ZBTB38: variants seen among roughly 807,000 people sequenced by gnomAD.
ZBTB38 encodes the protein zinc finger and BTB domain containing 38.
A neutral mutation model predicts 76.8 loss-of-function variants in ZBTB38; 20 were observed. The observed-to-expected ratio is 0.26, with a 90% confidence interval of 0.18 to 0.38. The LOEUF is 0.38. ZBTB38 is among the 10% of genes least tolerant of loss of function. The pLI is 1.00. For synonymous variants in ZBTB38, 504 were observed against 544.2 expected, an observed-to-expected ratio of 0.93 and a Z score of 1.03; for missense variants, 1,082 against 1,482.3, an observed-to-expected ratio of 0.73 and a Z score of 4.43.
At chr3:141,324,573 T>G (rs747081576) in intron 1 of ZBTB38, 1 of 152,220 alleles carries the variant, frequency 6.6e-6, no homozygotes, top group Non-Finnish European at 1.5e-5. Context: ...GGAAAGATTT[T>G]AAATCAATAG....
intron 1 of ZBTB38, among the ~76,000 whole-genome samples, chr3:141,331,422 A>G (rs1942848035): frequency 6.6e-6 from 1 of 152,212 alleles, no homozygotes; most frequent in Non-Finnish European, 1.5e-5. Flanking sequence ...AATTGTGTCC[A>G]GTGAGGGAAT....
chr3:141,365,719 T>C (rs2148970257), upstream of ZBTB38, among the ~76,000 whole-genome samples: 2 of 152,248 alleles, frequency 1.3e-5, no homozygotes, highest in East Asian at 3.9e-4. Context: ...CATCTAGGGC[T>C]GGTAGGTGGG....
intron 3 of ZBTB38, among the ~76,000 whole-genome samples, chr3:141,382,885 G>A (rs565225884): frequency 6.6e-6 from 1 of 152,306 alleles, no homozygotes; most frequent in Admixed American, 6.5e-5. Context: ...CATCAGGGAT[G>A]GAGTGTGGAC....
At chr3:141,409,018 A>C (rs1035197901) in intron 5 of ZBTB38, among the ~76,000 whole-genome samples, 1 of 152,154 alleles carries the variant, frequency 6.6e-6, no homozygotes, top group Non-Finnish European at 1.5e-5. Context: ...ACTACAGCCA[A>C]GATTGTAGAG....
intron 5 of ZBTB38, chr3:141,434,122 A>C (rs2150629143): frequency 1.2e-6 from 1 of 866,494 alleles, no homozygotes; most frequent in Admixed American, 6.2e-5. Flanking sequence ...GGAAGATATA[A>C]ATGTGAACAA....
intron 1 of ZBTB38, among the ~76,000 whole-genome samples, chr3:141,359,123 C>T (rs375480545): frequency 6.6e-6 from 1 of 152,312 alleles, no homozygotes; most frequent in African/African-American, 2.4e-5. Context: ...AGGTGGTTCT[C>T]GAGTTGGCCC....
At chr3:141,384,807 A>T (rs925751443) in intron 3 of ZBTB38, 3 of 152,244 alleles carry the variant, frequency 2.0e-5, no homozygotes, top group African/African-American at 7.2e-5. Flanking sequence ...TTAGAGCCAC[A>T]TTTATTTCTG....
chr3:141,403,954 C>T lies in ZBTB38; in HGVS notation c.-78C>T, dbSNP rs1953332107. Reference sequence around the variant, plus strand: ...CTTGATGTGGAAGAAATGGAGGACTCAGAACCAAGGATTTCCAAGTGATTT... The same window carrying T: ...CTTGATGTGGAAGAAATGGAGGACTTAGAACCAAGGATTTCCAAGTGATTT... On this transcript the variant is annotated 5_prime_UTR_variant, in exon 5 of 6. The change creates a premature stop within an existing upstream ORF in the 5' untranslated region. Coordinates refer to ENST00000321464, the MANE Select transcript of ZBTB38 (RefSeq NM_001376113.1). The T allele has an allele frequency of 6.6e-6, 1 of 152,138 alleles. No individual in the cohort carries two copies. Among genetic ancestry groups the T allele is most frequent in the Non-Finnish European group, 1.5e-5 (1 of 68,016 alleles). 9.4% of individuals were successfully genotyped at this position (152,138 alleles called of 1,614,324 possible). A position where few individuals can be genotyped will look rare whatever the true frequency, so the allele number is the denominator to read the frequency against.
chr3:141,366,076 T>G (rs1943955918), upstream of ZBTB38, among the ~76,000 whole-genome samples: 1 of 152,214 alleles, frequency 6.6e-6, no homozygotes, highest in African/African-American at 2.4e-5. Context: ...GAAGTGCCAT[T>G]GTACTTACTT....
At chr3:141,337,610 G>A (rs1322655229) in intron 1 of ZBTB38, among the ~76,000 whole-genome samples, 3 of 152,178 alleles carry the variant, frequency 2.0e-5, no homozygotes, top group African/African-American at 7.2e-5. Context: ...TTAGCTTCTG[G>A]CATGGCATTT....
At chr3:141,371,398 G>A (rs1010881739) in intron 2 of ZBTB38, among the ~76,000 whole-genome samples, 36 of 150,646 alleles carry the variant, frequency 2.4e-4, no homozygotes, top group South Asian at 6.3e-4. Context: ...TGTCACCCAG[G>A]CTGGAGTGCA....
intron 3 of ZBTB38, chr3:141,385,934 A>T (rs535606116): frequency 2.0e-5 from 3 of 152,158 alleles, no homozygotes; most frequent in Non-Finnish European, 4.4e-5. Flanking sequence ...CATAAAACGG[A>T]TATCAACCCA....
chr3:141,448,513 AAAGT>A lies in ZBTB38; in HGVS notation c.*2542_*2545del, dbSNP rs1228660112. On this transcript the variant is annotated 3_prime_UTR_variant, in exon 6 of 6. Transcript: ENST00000321464. Reference sequence around the variant, plus strand: ...ATTGAGTACATGACCAACTAGAATTAAAGTAAGTGTAAACAGTGAACATACTGTA... The same window carrying A: ...ATTGAGTACATGACCAACTAGAATTAAAGTGTAAACAGTGAACATACTGTA... 3.9e-5 allele frequency: 6 copies of A among 152,634 alleles called. No homozygotes were observed. Among genetic ancestry groups the A allele is most frequent in the Admixed American group, 3.9e-4 (6 of 15,278 alleles). The allele number at this position is 152,634 out of a possible 1,614,324, so 9.5% of individuals were successfully genotyped here.
chr3:141,385,109 G>T (rs1183687546), intron 3 of ZBTB38, among the ~76,000 whole-genome samples: 1 of 152,116 alleles, frequency 6.6e-6, no homozygotes, highest in Non-Finnish European at 1.5e-5. Flanking sequence ...TTGCTAACCT[G>T]ATTATTTTCA....
chr3:141,441,545 C>T lies in ZBTB38; in HGVS notation c.1-844C>T, dbSNP rs936391392. ...TGATGAGTCACCATAGGGCCAATAG[C>T]GCAGAGAGGCGGGGGTGCCCCTGGT... On this transcript the variant is annotated intron_variant, in intron 5 of 5. Transcript: ENST00000321464. 1.1e-4 allele frequency among the ~76,000 whole-genome samples: 16 copies of T among 152,148 alleles called. 1 individual carries two copies. Among genetic ancestry groups the T allele is most frequent in the African/African-American group, 3.9e-4 (16 of 41,430 alleles).
intron 4 of ZBTB38, among the ~76,000 whole-genome samples, chr3:141,403,680 C>T (rs993567657): frequency 3.3e-5 from 5 of 152,226 alleles, no homozygotes; most frequent in Admixed American, 3.3e-4. Flanking sequence ...TTGTCACATA[C>T]ACCAGCTGTG....
chr3:141,449,007 A>T lies in ZBTB38; in HGVS notation c.*3031A>T, dbSNP rs1204560327. 1 of 152,234 alleles carries T rather than the reference A, an allele frequency of 6.6e-6. No homozygotes were observed. Among genetic ancestry groups the T allele is most frequent in the Non-Finnish European group, 1.5e-5 (1 of 68,052 alleles). The allele number at this position is 152,234 out of a possible 1,614,324, so 9.4% of individuals were successfully genotyped here. On this transcript the variant is annotated 3_prime_UTR_variant, in exon 6 of 6. Transcript: ENST00000321464. ...TGCTCCACTCATCCGTGGGAAACAA[A>T]TTACATTTATTGAGTACCAGGCACT...
chr3:141,395,718 C>T (rs1950204922), intron 4 of ZBTB38, among the ~76,000 whole-genome samples: 1 of 152,124 alleles, frequency 6.6e-6, no homozygotes, highest in Non-Finnish European at 1.5e-5. Flanking sequence ...ATATAATTTT[C>T]ACATCATGAA....
In ZBTB38 at chr3:141,354,910, A is replaced by G. The variant is rs552088065; in HGVS notation, c.-738-13711A>G. Among the ~76,000 whole-genome samples the G allele has an allele frequency of 6.5e-4, 99 of 152,216 alleles. 1 individual carries two copies. In the South Asian group the frequency reaches 0.019, roughly 29 times the overall value. On this transcript the variant is annotated intron_variant, in intron 1 of 7. Transcript: ENST00000509842. ...AGATGGAGGGTCTAGGCCTAATTCC[A>G]GGCCTCTTTCTCACGATTCTTCTTG...
Sources: allele counts gnomAD v4.1 joint callset (sites outside exome capture counted in the v4.1 genomes callset), GRCh38; gene constraint gnomAD v4.1.1; transcripts MANE v1.5; gene names NCBI Gene and HGNC (gene_info 2026-07-23, HGNC 2026-07-21).